GPSM2: variants seen among roughly 807,000 people sequenced by gnomAD.
GPSM2 encodes the protein G protein-signaling modulator 2.
A neutral mutation model predicts 78.4 loss-of-function variants in GPSM2; 58 were observed. The ratio of observed to expected loss-of-function variants is 0.74; its 90% CI spans 0.60 to 0.92. The LOEUF is 0.92. GPSM2 is among the 40% of genes least tolerant of loss of function. GPSM2 has a pLI of 0.00. For synonymous variants in GPSM2, 224 were observed against 280.2 expected, an observed-to-expected ratio of 0.80 and a Z score of 2.00; for missense variants, 700 against 815.5, an observed-to-expected ratio of 0.86 and a Z score of 1.73.
chr1:108,927,072 T>TAA (rs1413679432), intron 14 of GPSM2, among the ~76,000 whole-genome samples: 1 of 151,984 alleles, frequency 6.6e-6, no homozygotes. Context: ...TCAAAAAGAA[T>TAA]AAAATACTTA....
At chr1:108,905,967 C>T (rs1395579308) in intron 10 of GPSM2, among the ~76,000 whole-genome samples, 1 of 152,192 alleles carries the variant, frequency 6.6e-6, no homozygotes, top group Non-Finnish European at 1.5e-5. Context: ...CATCCAGTTA[C>T]TTGGCTTTTA....
At chr1:108,896,592 G>A (rs1570898943) in intron 2 of GPSM2, among the ~76,000 whole-genome samples, 3 of 152,166 alleles carry the variant, frequency 2.0e-5, no homozygotes, top group South Asian at 4.1e-4. Context: ...CACTAGTAAC[G>A]TGGATTGCTC....
chr1:108,903,114 A>AT lies in GPSM2; in HGVS notation c.954-11dup. 1 of 1,511,718 alleles carries AT rather than the reference A, an allele frequency of 6.6e-7. No homozygotes were observed. The highest frequency in any genetic ancestry group is 9.2e-7 in the Non-Finnish European group (1 of 1,086,938). 93.6% of individuals were successfully genotyped at this position (1,511,718 alleles called of 1,614,324 possible). A position where few individuals can be genotyped will look rare whatever the true frequency, so the allele number is the denominator to read the frequency against. On this transcript the variant is annotated splice_polypyrimidine_tract_variant and intron_variant, in intron 8 of 14. Transcript: ENST00000264126. ...TCAAATAACTGCATGTTCGCTTTGA[A>AT]TAACGTTTTAGAATTGGTGAAGGAA...
intron 14 of GPSM2, among the ~76,000 whole-genome samples, chr1:108,927,249 C>A (rs774321535): frequency 2.0e-5 from 3 of 152,284 alleles, no homozygotes; most frequent in Middle Eastern, 6.8e-3. Context: ...AGTGCAATCC[C>A]TGTAAAAATC....
At chr1:108,902,091 T>C (rs1648871295) in intron 8 of GPSM2, 146 bp downstream of exon 8, 6 of 643,668 alleles carry the variant, frequency 9.3e-6, no homozygotes, top group Admixed American at 2.3e-5. Flanking sequence ...CTGTATATCA[T>C]TGTATGAAGG....
chr1:108,928,571 A>G (rs961590740), intron 14 of GPSM2, among the ~76,000 whole-genome samples: 9 of 152,238 alleles, frequency 5.9e-5, no homozygotes, highest in Admixed American at 5.2e-4. Flanking sequence ...TGCATATTCA[A>G]ATATCAGCTA....
chr1:108,898,493 T>G, intron 5 of GPSM2, 149 bp from the exon 6 acceptor site: 1 of 683,674 alleles, frequency 1.5e-6, no homozygotes, highest in East Asian at 2.8e-5. Flanking sequence ...ATAATTGCTC[T>G]TCATCATAGA....
At chr1:108,879,869 C>G (rs1451401564) in intron 1 of GPSM2, among the ~76,000 whole-genome samples, 1 of 152,150 alleles carries the variant, frequency 6.6e-6, no homozygotes, top group Non-Finnish European at 1.5e-5. Flanking sequence ...TGTTCAGAGT[C>G]CCTCACAGTT....
intron 1 of GPSM2, among the ~76,000 whole-genome samples, chr1:108,881,179 A>T (rs1665881234): frequency 6.6e-6 from 1 of 152,166 alleles, no homozygotes; most frequent in African/African-American, 2.4e-5. Context: ...GGAAAAAATG[A>T]TTGCCTTTTC....
At chr1:108,916,419 T>G (rs1650237071) in intron 11 of GPSM2, among the ~76,000 whole-genome samples, 1 of 152,238 alleles carries the variant, frequency 6.6e-6, no homozygotes. Flanking sequence ...ATCCAAAATA[T>G]TTTTATTCCA....
intron 2 of GPSM2, among the ~76,000 whole-genome samples, chr1:108,886,658 C>T (rs1468176775): frequency 1.3e-5 from 2 of 152,202 alleles, no homozygotes; most frequent in East Asian, 1.9e-4. Context: ...TTTGGCTACA[C>T]CTTATATATA....
chr1:108,899,041 C>A (rs774773973), intron 7 of GPSM2, 47 bp downstream of exon 7: 9 of 1,112,604 alleles, frequency 8.1e-6, no homozygotes, highest in Admixed American at 5.3e-5. Context: ...ATACTCAGTC[C>A]CATTAATTCA....
chr1:108,926,098 T>C (rs1436457446), intron 14 of GPSM2, among the ~76,000 whole-genome samples: 1 of 152,062 alleles, frequency 6.6e-6, no homozygotes, highest in Non-Finnish European at 1.5e-5. Flanking sequence ...AAGTGGGAAA[T>C]AGTTGACTTA....
rs781218313 is a variant in GPSM2 at position 108,922,435 on chromosome 1, A to C, written c.1459A>C (p.Ile487Leu). ...NSQRKISADT[I>L]GDEGFFDLLS... ...ATTTTAGAAAATCAGTGCAGATACT[A>C]TTGGAGATGAAGGGTTCTTTGACTT... The change falls in exon 13 of 15, where the codon ATT becomes CTT. Residue 487 changes from isoleucine (I) to leucine (L), a missense_variant. By Grantham distance (5) the Ile-to-Leu change is conservative. Transcript: ENST00000264126. 6.2e-7 allele frequency: 1 copy of C among 1,610,028 alleles called. No individual in the cohort carries two copies. Among genetic ancestry groups the C allele is most frequent in the East Asian group, 2.2e-5 (1 of 44,806 alleles).
intron 12 of GPSM2, among the ~76,000 whole-genome samples, chr1:108,920,702 T>C (rs1171568422): frequency 1.3e-5 from 2 of 152,096 alleles, no homozygotes; most frequent in Non-Finnish European, 2.9e-5. Flanking sequence ...CTATGACTAA[T>C]AAAAGGAAAA....
chr1:108,902,346 G>A (rs570575190), intron 8 of GPSM2, among the ~76,000 whole-genome samples: 10 of 148,982 alleles, frequency 6.7e-5, no homozygotes, highest in Middle Eastern at 3.5e-3. Flanking sequence ...ACGCCACTGC[G>A]CTCCAGCCTG....
At chr1:108,907,049 G>A (rs963148877) in intron 10 of GPSM2, among the ~76,000 whole-genome samples, 13 of 152,140 alleles carry the variant, frequency 8.5e-5, no homozygotes, top group South Asian at 2.1e-4. Context: ...TCCTCACCAT[G>A]GTTGAAAGGC....
intron 2 of GPSM2, among the ~76,000 whole-genome samples, chr1:108,887,449 G>A (rs1289741948): frequency 2.0e-5 from 3 of 152,154 alleles, no homozygotes; most frequent in African/African-American, 7.2e-5. Context: ...AGAGCACCAA[G>A]TGCGATGTCC....
At chr1:108,915,038 A>G (rs1459171779) in intron 11 of GPSM2, among the ~76,000 whole-genome samples, 1 of 152,166 alleles carries the variant, frequency 6.6e-6, no homozygotes, top group Non-Finnish European at 1.5e-5. Flanking sequence ...CATCAAGGCT[A>G]CTTTTTTCCG....
Sources: gnomAD v4.1 joint callset for allele counts (sites outside exome capture counted in the v4.1 genomes callset) on GRCh38, gnomAD v4.1.1 for gene constraint, MANE v1.5 for transcripts, NCBI Gene and HGNC (gene_info 2026-07-23, HGNC 2026-07-21) for gene names.